FAM114A1: variants seen among roughly 807,000 people sequenced by gnomAD.
FAM114A1 encodes the protein family with sequence similarity 114 member A1.
A neutral mutation model predicts 64.3 loss-of-function variants in FAM114A1; 62 were observed. That is an observed-to-expected ratio of 0.96 (90% CI 0.79 to 1.19). The LOEUF (loss-of-function observed/expected upper bound fraction) is 1.19, where lower values mean the gene tolerates loss of function less well. Ranked by LOEUF, FAM114A1 falls within the 50% of genes most tolerant of loss-of-function variation. The pLI, the probability that FAM114A1 is intolerant of heterozygous loss-of-function variation, is 0.00. For synonymous variants in FAM114A1, 254 were observed against 251.1 expected (o/e 1.01, Z -0.11); for missense variants, 645 against 676.3 (o/e 0.95, Z 0.51).
At chr4:38,934,342 A>G (rs1055499600) in intron 12 of FAM114A1, among the ~76,000 whole-genome samples, 75 of 152,212 alleles carry the variant, frequency 4.9e-4, no homozygotes, top group African/African-American at 1.8e-3. Flanking sequence ...CATAGACTGA[A>G]TGGCTCTGGG....
chr4:38,923,916 GA>G (rs922406668), intron 9 of FAM114A1, among the ~76,000 whole-genome samples: 10 of 152,226 alleles, frequency 6.6e-5, no homozygotes, highest in Non-Finnish European at 1.5e-4. Flanking sequence ...GGGAGCAGAA[GA>G]GAGTAAAACA....
At chr4:38,940,710 A>G (rs137990354) in intron 13 of FAM114A1, among the ~76,000 whole-genome samples, 4 of 152,260 alleles carry the variant, frequency 2.6e-5, no homozygotes, top group African/African-American at 9.6e-5. Context: ...AAGTTACTCA[A>G]CCTTTCTGAT....
At chr4:38,943,327 C>A in intron 14 of FAM114A1, 129 bp from the exon 15 acceptor site, 1 of 725,420 alleles carries the variant, frequency 1.4e-6, no homozygotes, top group South Asian at 1.7e-5. Flanking sequence ...CTTTAAGCAC[C>A]AATATTGCAA....
chr4:38,874,684 T>G (rs1486074528), intron 2 of FAM114A1, among the ~76,000 whole-genome samples: 1 of 152,238 alleles, frequency 6.6e-6, no homozygotes, highest in African/African-American at 2.4e-5. Flanking sequence ...CTCCCACTTG[T>G]CAATTTTTGT....
chr4:38,878,258 T>C lies in FAM114A1; in HGVS notation c.180T>C (p.Gly60=), dbSNP rs756918557. ...GEGHENAAVQ[G]AGAAAIGPPV... ...GGCATGAAAATGCAGCTGTGCAGGG[T>C]GCAGGGGCTGCCGCCATTGGGCCCC... Residue 60 remains glycine (G), a synonymous_variant, in exon 3 of 15, where the codon GGT becomes GGC. Coordinates refer to ENST00000358869, the MANE Select transcript of FAM114A1 (RefSeq NM_138389.4). 4 of 1,614,066 alleles carry C rather than the reference T, an allele frequency of 2.5e-6. No homozygotes were observed. In the East Asian group the frequency reaches 8.9e-5, roughly 36 times the overall value.
rs145609498 is a variant in FAM114A1, at chr4:38,942,817, G to A, written c.1591-639G>A. 1.1e-3 allele frequency among the ~76,000 whole-genome samples: 168 copies of A among 152,082 alleles called. 2 individuals are homozygous for A. Among genetic ancestry groups the A allele is most frequent in the African/African-American group, 4.0e-3 (164 of 41,400 alleles). On this transcript the variant is annotated intron_variant, in intron 14 of 14. Transcript: ENST00000358869. The stretch of plus-strand genomic sequence containing the variant: ...CTGAGCTCCTTCATACAGTGTTTTT[G>A]TGTTATTTCAGGGCAGTAGGGTTGA...
Position 38,905,845 on chromosome 4 carries a change from A to G in FAM114A1, c.641A>G (p.Asn214Ser), listed in dbSNP as rs1447924911. Residue 214 changes from asparagine (N) to serine (S), a missense_variant, in exon 6 of 15, where the codon AAT becomes AGT. Asn to Ser is a conservative substitution (Grantham distance 46). Coordinates refer to ENST00000358869, the MANE Select transcript of FAM114A1 (RefSeq NM_138389.4). Reference sequence around the variant, plus strand: ...CGGGGTATGCTGTCTGCCATCACCAATGTGGTTCAAAACACAGTGAGTCGC... The same window carrying G: ...CGGGGTATGCTGTCTGCCATCACCAGTGTGGTTCAAAACACAGTGAGTCGC... ...ASRGMLSAIT[N>S]VVQNTGKSVL... 7 of 1,612,836 alleles carry G rather than the reference A, an allele frequency of 4.3e-6. No homozygotes were observed. The highest frequency in any genetic ancestry group is 4.5e-5 in the East Asian group (2 of 44,880).
intron 3 of FAM114A1, among the ~76,000 whole-genome samples, chr4:38,879,378 G>A (rs1333050479): frequency 6.6e-6 from 1 of 152,184 alleles, no homozygotes; most frequent in African/African-American, 2.4e-5. Context: ...GGGGCCCTGG[G>A]CATTCACCCT....
chr4:38,883,438 A>ACTGTAATCCCAGCACTTTG (rs1715493109), intron 3 of FAM114A1, among the ~76,000 whole-genome samples: 1 of 152,260 alleles, frequency 6.6e-6, no homozygotes, highest in African/African-American at 2.4e-5. Flanking sequence ...GACCCAATCT[A>ACTGTAATCCCAGCACTTTG]GATTAAATTT....
intron 14 of FAM114A1, among the ~76,000 whole-genome samples, chr4:38,943,025 C>G (rs1029390566): frequency 1.3e-5 from 2 of 152,042 alleles, no homozygotes; most frequent in Non-Finnish European, 2.9e-5. Flanking sequence ...AACCCTGTCT[C>G]TACTAAAATA....
At position 38,904,786 on chromosome 4, in the gene FAM114A1, A is replaced by G. The variant is rs948750935; in HGVS notation, c.437-736A>G. Among the ~76,000 whole-genome samples, 10 of 152,376 alleles carry G rather than the reference A, an allele frequency of 6.6e-5. No homozygotes were observed. In the South Asian group the frequency reaches 1.4e-3, roughly 22 times the overall value. ...AGCCTGCAAGGAATCAAAAAAATGA[A>G]TGAAGAATATCTTCCATAAGGAGCT... is the stretch of plus-strand genomic sequence containing the variant. On this transcript the variant is annotated intron_variant, in intron 4 of 14. Coordinates refer to ENST00000358869, the MANE Select transcript of FAM114A1 (RefSeq NM_138389.4).
At chr4:38,891,918 T>C in intron 4 of FAM114A1, 88 bp downstream of exon 4, 1 of 1,198,362 alleles carries the variant, frequency 8.3e-7, no homozygotes, top group Non-Finnish European at 1.1e-6. Context: ...CTAATAGAGT[T>C]TAACATTAGC....
At chr4:38,929,572 G>T (rs1015129548) in intron 10 of FAM114A1, among the ~76,000 whole-genome samples, 1 of 152,260 alleles carries the variant, frequency 6.6e-6, no homozygotes, top group Non-Finnish European at 1.5e-5. Context: ...GAGGTCAGGA[G>T]TTTGAGACCA....
chr4:38,932,299 A>T lies in FAM114A1; in HGVS notation c.1388A>T (p.His463Leu). ...ACAGCGCGCTGTATTGAGCAGCTTC[A>T]TAAAGTAGCAGAATTAATTCTTCAT... ...EVTARCIEQL[H>L]KVAELILHGQ... Residue 463 changes from histidine (H) to leucine (L), a missense_variant, in exon 12 of 15, where the codon CAT becomes CTT. Transcript: ENST00000358869. 1.2e-6 allele frequency: 2 copies of T among 1,614,026 alleles called. No homozygotes were observed. Among genetic ancestry groups the T allele is most frequent in the Non-Finnish European group, 1.7e-6 (2 of 1,180,002 alleles).
At chr4:38,887,687 G>A (rs1307819176) in intron 3 of FAM114A1, among the ~76,000 whole-genome samples, 2 of 152,160 alleles carry the variant, frequency 1.3e-5, no homozygotes, top group Non-Finnish European at 2.9e-5. Flanking sequence ...AATATGAATA[G>A]CGTATCTTCC....
intron 14 of FAM114A1, among the ~76,000 whole-genome samples, chr4:38,941,818 T>C (rs995598671): frequency 1.5e-4 from 23 of 152,364 alleles, no homozygotes; most frequent in African/African-American, 5.0e-4. Flanking sequence ...GGATTTTGCT[T>C]TCTGAAGTGG....
In FAM114A1 at chr4:38,878,355, G is replaced by A; in HGVS notation, c.277G>A (p.Glu93Lys). The A allele has an allele frequency of 1.2e-6, 2 of 1,613,902 alleles. No individual in the cohort carries two copies. The highest frequency in any genetic ancestry group is 1.7e-6 in the Non-Finnish European group (2 of 1,179,862). Residue 93 changes from glutamate to lysine, a missense_variant, in exon 3 of 15, where the codon GAA becomes AAA. By Grantham distance (56) the Glu-to-Lys change is moderately conservative. Transcript: ENST00000358869. ...NGDVTEDTLA[E>K]CIDSVSLEAE... ...AGACGTGACTGAGGATACACTTGCT[G>A]AATGTATTGATTCCGTCAGCCTTGA... is the stretch of plus-strand genomic sequence containing the variant.
intron 4 of FAM114A1, among the ~76,000 whole-genome samples, chr4:38,897,767 C>G (rs971729519): frequency 6.6e-6 from 1 of 150,854 alleles, no homozygotes; most frequent in Admixed American, 6.6e-5. Flanking sequence ...TGGCAAAACC[C>G]CATCTCTACT....
At chr4:38,939,896 T>G (rs1305840105) in intron 13 of FAM114A1, among the ~76,000 whole-genome samples, 2 of 150,558 alleles carry the variant, frequency 1.3e-5, no homozygotes, top group African/African-American at 4.9e-5. Context: ...CTTTTTTTTT[T>G]TTTTTTTTGT....
Sources: gnomAD v4.1 joint callset for allele counts (sites outside exome capture counted in the v4.1 genomes callset) on GRCh38, gnomAD v4.1.1 for gene constraint, MANE v1.5 for transcripts, NCBI Gene and HGNC (gene_info 2026-07-23, HGNC 2026-07-21) for gene names.